Variants in ABCB1 observed in about 807,000 individuals in gnomAD.
ABCB1 encodes ATP binding cassette subfamily B member 1.
ABCB1 carries 69 observed loss-of-function variants against 142.0 expected under a neutral mutation model. The observed-to-expected ratio is 0.49, with a 90% CI of 0.40 to 0.59. The LOEUF is 0.59. Among genes scored for constraint, ABCB1 ranks in the 20% least tolerant of loss-of-function variants. The pLI is 0.00. For missense variants in ABCB1, 1,326 were observed against 1,554.7 expected (o/e 0.85, Z 2.47); for synonymous variants, 532 against 539.2 (o/e 0.99, Z 0.18).
intron 1 of ABCB1, among the ~76,000 whole-genome samples, chr7:87,693,218 G>A (rs1005285538): frequency 6.6e-6 from 1 of 152,086 alleles, no homozygotes; most frequent in Non-Finnish European, 1.5e-5. Flanking sequence ...TTTTCAGTTG[G>A]TGATTGTTAA....
rs371529657 is a variant in ABCB1, at chr7:87,522,191, A to G, written c.2686-1315T>C. ...GGATATAGTGGCAGTGGGGATGGCT[A>G]TAATGGATTTGGTAATCATGGAAGC... On this transcript the variant is annotated intron_variant, in intron 21 of 27. Coordinates refer to ENST00000622132, the MANE Select transcript of ABCB1 (RefSeq NM_001348946.2). 7.0e-6 allele frequency: 10 copies of G among 1,431,780 alleles called. No individual in the cohort carries two copies. In the South Asian group the frequency reaches 1.0e-4, roughly 15 times the overall value. The allele number at this position is 1,431,780 out of a possible 1,614,324, so 88.7% of individuals were successfully genotyped here. A position where few individuals can be genotyped will look rare whatever the true frequency, so the allele number is the denominator to read the frequency against.
rs1819118086 is a variant in ABCB1, at chr7:87,594,521, A to G, written c.117+1245T>C. On this transcript the variant is annotated intron_variant, in intron 3 of 27. Transcript: ENST00000622132. ...AAGGTTTAAAAAAATTTAACTACAA[A>G]TAATAAAAACTGAAAGTCTCAAAGT... Among the ~76,000 whole-genome samples the G allele has an allele frequency of 2.6e-5, 4 of 152,210 alleles. No homozygotes were observed. In the South Asian group the frequency reaches 8.3e-4, roughly 32 times the overall value.
chr7:87,509,116 C>T (rs980256188), intron 26 of ABCB1, among the ~76,000 whole-genome samples, 159 bp downstream of exon 26: 1 of 152,144 alleles, frequency 6.6e-6, no homozygotes, highest in African/African-American at 2.4e-5. Context: ...TAACAACTAA[C>T]CCAAACAGGA....
At chr7:87,700,657 A>C in intron 1 of ABCB1, 1 of 1,080,652 alleles carries the variant, frequency 9.3e-7, no homozygotes, top group Non-Finnish European at 1.3e-6. Flanking sequence ...CCTTTTCTTA[A>C]GAAGCATAAT....
chr7:87,511,802 G>T (rs965760013), intron 25 of ABCB1, among the ~76,000 whole-genome samples: 13 of 152,318 alleles, frequency 8.5e-5, no homozygotes, highest in Non-Finnish European at 1.5e-4. Context: ...CTTGGCTCAG[G>T]CACTTCTTGG....
rs141619838 is a variant in ABCB1 at position 87,559,282 on chromosome 7, G to C, written c.827+1981C>G. Reference sequence around the variant, plus strand: ...AATTCAATTATTTTAACGATTATGGGTTTACTCAGATCTTCTCCTTCTTAA... The same window carrying C: ...AATTCAATTATTTTAACGATTATGGCTTTACTCAGATCTTCTCCTTCTTAA... On this transcript the variant is annotated intron_variant, in intron 8 of 27. Coordinates refer to ENST00000622132, the MANE Select transcript of ABCB1 (RefSeq NM_001348946.2). 6.3e-3 allele frequency among the ~76,000 whole-genome samples: 955 copies of C among 151,990 alleles called. 48 individuals are homozygous for C. Among genetic ancestry groups the C allele is most frequent in the Admixed American group, 0.055 (840 of 15,258 alleles).
At chr7:87,523,735 A>G (rs1401349453) in intron 21 of ABCB1, among the ~76,000 whole-genome samples, 1 of 152,218 alleles carries the variant, frequency 6.6e-6, no homozygotes, top group Non-Finnish European at 1.5e-5. Context: ...GTAAAGGGAT[A>G]TGGAAAAAGC....
At chr7:87,525,599 T>C (rs1815748104) in intron 21 of ABCB1, among the ~76,000 whole-genome samples, 1 of 152,210 alleles carries the variant, frequency 6.6e-6, no homozygotes, top group Admixed American at 6.5e-5. Context: ...GAAAATGTTA[T>C]TAAGAAAATC....
intron 7 of ABCB1, among the ~76,000 whole-genome samples, chr7:87,565,762 T>C (rs1208101366): frequency 6.6e-6 from 1 of 152,076 alleles, no homozygotes; most frequent in Non-Finnish European, 1.5e-5. Context: ...TTTTTTTTTT[T>C]TGTTTTGTTT....
intron 8 of ABCB1, among the ~76,000 whole-genome samples, chr7:87,555,652 A>C (rs1817275818): frequency 1.3e-5 from 2 of 152,172 alleles, no homozygotes; most frequent in African/African-American, 4.8e-5. Context: ...CAAAATGTAA[A>C]TCCTCAACTT....
At chr7:87,572,163 T>C (rs1818082049) in intron 4 of ABCB1, among the ~76,000 whole-genome samples, 2 of 142,596 alleles carry the variant, frequency 1.4e-5, no homozygotes, top group South Asian at 4.3e-4. Context: ...AAGCTTACAT[T>C]ATGTATCTTC....
At chr7:87,602,095 A>G (rs28746504), upstream of ABCB1, among the ~76,000 whole-genome samples, 7,801 of 151,796 alleles carry the variant, frequency 0.051, 209 homozygotes, top group African/African-American at 0.086. Context: ...CCGGGTTCAC[A>G]CCATTCTCCT....
intron 5 of ABCB1, among the ~76,000 whole-genome samples, chr7:87,567,501 G>C (rs1051336398): frequency 1.3e-5 from 2 of 152,196 alleles, no homozygotes; most frequent in Non-Finnish European, 2.9e-5. Context: ...GAACTTGTCA[G>C]AAAGTGGGAT....
At chr7:87,608,017 T>C (rs1488532884) in intron 1 of ABCB1, among the ~76,000 whole-genome samples, 1 of 152,230 alleles carries the variant, frequency 6.6e-6, no homozygotes, top group African/African-American at 2.4e-5. Context: ...ATTTCAATGA[T>C]GCCTGCCAAG....
chr7:87,614,989 T>G (rs1293869496), intron 1 of ABCB1, among the ~76,000 whole-genome samples: 1 of 151,872 alleles, frequency 6.6e-6, no homozygotes, highest in East Asian at 1.9e-4. Context: ...GGACTAGAGG[T>G]GCCCGCCACC....
At chr7:87,564,526 C>A (rs1685977857) in intron 7 of ABCB1, among the ~76,000 whole-genome samples, 4 of 152,188 alleles carry the variant, frequency 2.6e-5, no homozygotes, top group Admixed American at 2.6e-4. Flanking sequence ...TGGGCCAGGT[C>A]ACTTGCTGTG....
chr7:87,667,098 G>A (rs950735265), intron 1 of ABCB1, among the ~76,000 whole-genome samples: 9 of 152,100 alleles, frequency 5.9e-5, no homozygotes, highest in Admixed American at 1.3e-4. Flanking sequence ...CCATTTTAGT[G>A]ATATTGATTC....
At position 87,626,485 on chromosome 7, in the gene ABCB1, CAT is replaced by C. The variant is rs754569357; in HGVS notation, c.-330-25409_-330-25408del. Among the ~76,000 whole-genome samples, 17 of 9,230 alleles carry C rather than the reference CAT, an allele frequency of 1.8e-3. 5 individuals are homozygous for C. The highest frequency in any genetic ancestry group is 3.3e-3 in the Admixed American group (2 of 600). 6.1% of individuals were successfully genotyped at this position (9,230 alleles called of 152,430 possible). A position where few individuals can be genotyped will look rare whatever the true frequency, so the allele number is the denominator to read the frequency against. Reference sequence around the variant, plus strand: ...TCATATATGTGTCATATATATGTGTCATATATATGTGTCATATATGTGTCATA... The same window carrying C: ...TCATATATGTGTCATATATATGTGTCATATATGTGTCATATATGTGTCATA... On this transcript the variant is annotated intron_variant, in intron 1 of 28. Transcript: ENST00000265724.
At chr7:87,702,451 T>C in intron 1 of ABCB1, among the ~76,000 whole-genome samples, 1 of 151,944 alleles carries the variant, frequency 6.6e-6, no homozygotes, top group Non-Finnish European at 1.5e-5. Flanking sequence ...GCAAATGTTT[T>C]AAATTTTTTG....
Sources: allele counts gnomAD v4.1 joint callset (sites outside exome capture counted in the v4.1 genomes callset), GRCh38; gene constraint gnomAD v4.1.1; transcripts MANE v1.5; gene names NCBI Gene and HGNC (gene_info 2026-07-23, HGNC 2026-07-21).